The following COL4A1 variants were observed in gnomAD, a reference collection of about 807,000 sequenced individuals.
COL4A1 encodes collagen type IV alpha 1 chain.
COL4A1 carries 40 observed loss-of-function variants against 216.6 expected under a neutral mutation model. The observed-to-expected ratio is 0.18, with a 90% CI of 0.14 to 0.24. The LOEUF (loss-of-function observed/expected upper bound fraction) is 0.24. Among genes scored for constraint, COL4A1 ranks in the 10% least tolerant of loss-of-function variants. The pLI is 1.00. For missense variants in COL4A1, 1,628 were observed against 2,196.8 expected (o/e 0.74, Z 5.18); for synonymous variants, 839 against 810.7 (o/e 1.03, Z -0.59).
At chr13:110,248,724 C>T (rs2139254484) in intron 1 of COL4A1, among the ~76,000 whole-genome samples, 1 of 152,244 alleles carries the variant, frequency 6.6e-6, no homozygotes, top group African/African-American at 2.4e-5. Flanking sequence ...AACTCCTGGC[C>T]TCAAGTGATC....
At chr13:110,258,981 C>T (rs1442689081) in intron 1 of COL4A1, among the ~76,000 whole-genome samples, 3 of 152,202 alleles carry the variant, frequency 2.0e-5, no homozygotes, top group Admixed American at 6.5e-5. Context: ...TCTCATTCAC[C>T]GGCGATCCTG....
chr13:110,301,475 T>C (rs1266780126), intron 1 of COL4A1, among the ~76,000 whole-genome samples: 4 of 152,318 alleles, frequency 2.6e-5, no homozygotes. Context: ...GCACATGCTC[T>C]CCCTAGACAT....
chr13:110,250,563 T>C (rs1460535657), intron 1 of COL4A1, among the ~76,000 whole-genome samples: 1 of 152,166 alleles, frequency 6.6e-6, no homozygotes, highest in Non-Finnish European at 1.5e-5. Context: ...CTGGAGGGAA[T>C]GACCATGAAG....
intron 1 of COL4A1, among the ~76,000 whole-genome samples, chr13:110,257,894 C>T (rs61963336): frequency 4.6e-5 from 7 of 152,146 alleles, no homozygotes; most frequent in Non-Finnish European, 8.8e-5. Context: ...CAGCCTTAAA[C>T]CATTCATAAT....
chr13:110,288,057 C>T (rs1010517818), intron 1 of COL4A1, among the ~76,000 whole-genome samples: 1 of 151,434 alleles, frequency 6.6e-6, no homozygotes, highest in African/African-American at 2.4e-5. Flanking sequence ...GAGTTTGAAA[C>T]CAGCCTGACC....
chr13:110,297,498 G>T (rs1884321290), intron 1 of COL4A1, among the ~76,000 whole-genome samples: 1 of 152,170 alleles, frequency 6.6e-6, no homozygotes, highest in African/African-American at 2.4e-5. Context: ...CAAACAGCTA[G>T]TTGCTGTTTG....
At chr13:110,261,054 A>AAAAAAAAAAAAG (rs55876963) in intron 1 of COL4A1, among the ~76,000 whole-genome samples, 2 of 148,510 alleles carry the variant, frequency 1.3e-5, no homozygotes, top group East Asian at 3.9e-4. Context: ...AAAAAAAAAA[A>AAAAAAAAAAAAG]GGCCAAAATA....
rs777826783 is a variant in COL4A1, at chr13:110,176,577, C to T, written c.2968+49G>A. ...TACAGAAAGAGCTGGGGAACACAGG[C>T]CTCATCCTGAGCCCTTGCCACACTG... On this transcript the variant is annotated intron_variant, in intron 35 of 51. Coordinates refer to ENST00000375820, the MANE Select transcript of COL4A1 (RefSeq NM_001845.6). 4 of 1,587,246 alleles carry T rather than the reference C, an allele frequency of 2.5e-6. No homozygotes were observed. The East Asian group carries it at 8.9e-5, about 35-fold the overall frequency.
intron 42 of COL4A1, among the ~76,000 whole-genome samples, chr13:110,170,041 G>C (rs901438694): frequency 2.3e-5 from 3 of 132,258 alleles, no homozygotes; most frequent in Admixed American, 8.0e-5. Flanking sequence ...GGAAGGGAGG[G>C]AAGGAGGGAG....
intron 4 of COL4A1, among the ~76,000 whole-genome samples, chr13:110,213,349 C>T (rs919484101): frequency 6.6e-6 from 1 of 152,202 alleles, no homozygotes; most frequent in Admixed American, 6.5e-5. Flanking sequence ...CAAAATAACT[C>T]TGCTCCCATT....
chr13:110,174,262 G>C (rs796658416), intron 39 of COL4A1, among the ~76,000 whole-genome samples, 184 bp downstream of exon 39: 68 of 152,292 alleles, frequency 4.5e-4, no homozygotes, highest in African/African-American at 1.5e-3. Flanking sequence ...CCTAGATCCT[G>C]CTAGTGACAA....
At chr13:110,241,028 C>T (rs1881542697) in intron 2 of COL4A1, among the ~76,000 whole-genome samples, 1 of 152,072 alleles carries the variant, frequency 6.6e-6, no homozygotes, top group Admixed American at 6.6e-5. Flanking sequence ...TGCCACCACG[C>T]TGGGCTAATT....
intron 1 of COL4A1, among the ~76,000 whole-genome samples, chr13:110,249,886 T>A (rs2139256089): frequency 6.6e-6 from 1 of 152,270 alleles, no homozygotes; most frequent in South Asian, 2.1e-4. Flanking sequence ...AAAATATACT[T>A]AGTATTGTGG....
At chr13:110,281,745 T>C (rs1219894360) in intron 1 of COL4A1, among the ~76,000 whole-genome samples, 1 of 152,242 alleles carries the variant, frequency 6.6e-6, no homozygotes, top group African/African-American at 2.4e-5. Flanking sequence ...GGACTCTTCT[T>C]CTAATGGTAT....
At chr13:110,222,878 A>G (rs1880571634) in intron 2 of COL4A1, among the ~76,000 whole-genome samples, 1 of 151,854 alleles carries the variant, frequency 6.6e-6, no homozygotes, top group Admixed American at 6.6e-5. Flanking sequence ...CATTGAACAC[A>G]TTCTGTGGGC....
intron 6 of COL4A1, 147 bp downstream of exon 6, chr13:110,212,269 TC>T: frequency 1.1e-6 from 1 of 937,070 alleles, no homozygotes; most frequent in Non-Finnish European, 1.7e-6. Context: ...AAACTGTATT[TC>T]CTTACTAAAT....
chr13:110,158,615 CTT>C (rs1173125973), intron 49 of COL4A1, among the ~76,000 whole-genome samples: 1 of 151,962 alleles, frequency 6.6e-6, no homozygotes, highest in Non-Finnish European at 1.5e-5. Context: ...ATATAAAAAA[CTT>C]TGTATCTTTT....
intron 1 of COL4A1, among the ~76,000 whole-genome samples, chr13:110,304,255 T>C (rs576307643): frequency 6.6e-6 from 1 of 152,196 alleles, no homozygotes; most frequent in Non-Finnish European, 1.5e-5. Context: ...CAGCCTTCTC[T>C]TCTAAACTAC....
At chr13:110,302,045 G>A (rs1026981737) in intron 1 of COL4A1, among the ~76,000 whole-genome samples, 3 of 152,164 alleles carry the variant, frequency 2.0e-5, no homozygotes, top group Non-Finnish European at 2.9e-5. Context: ...AGGGTTCAGT[G>A]GTGATCCTGG....
Sources: gnomAD v4.1 joint callset for allele counts (sites outside exome capture counted in the v4.1 genomes callset) on GRCh38, gnomAD v4.1.1 for gene constraint, MANE v1.5 for transcripts, NCBI Gene and HGNC (gene_info 2026-07-23, HGNC 2026-07-21) for gene names.